Variants in PAK5 observed in about 807,000 individuals in gnomAD.
PAK5 encodes the protein serine/threonine-protein kinase PAK 5.
A neutral mutation model predicts 65.9 loss-of-function variants in PAK5; 16 were observed. That is an observed-to-expected ratio of 0.24 (90% CI 0.16 to 0.37). The LOEUF (loss-of-function observed/expected upper bound fraction) is 0.37. Among genes scored for constraint, PAK5 ranks in the 10% least tolerant of loss-of-function variants. PAK5 has a pLI of 1.00. For synonymous variants in PAK5, 371 were observed against 354.9 expected, an observed-to-expected ratio of 1.05 and a Z score of -0.51; for missense variants, 785 against 903.9, an observed-to-expected ratio of 0.87 and a Z score of 1.69.
At chr20:9,640,896 C>T (rs1037991926) in intron 3 of PAK5, among the ~76,000 whole-genome samples, 3 of 152,128 alleles carry the variant, frequency 2.0e-5, no homozygotes, top group Non-Finnish European at 2.9e-5. Context: ...AGTGTGGCCC[C>T]GAAGAGTGAG....
At chr20:9,730,255 C>T (rs889318860) in intron 1 of PAK5, among the ~76,000 whole-genome samples, 7 of 151,990 alleles carry the variant, frequency 4.6e-5, no homozygotes, top group East Asian at 3.9e-4. Context: ...GAGCTATTAA[C>T]ATTTTATATC....
chr20:9,570,278 C>T (rs1040030885), intron 4 of PAK5, among the ~76,000 whole-genome samples: 1 of 152,138 alleles, frequency 6.6e-6, no homozygotes, highest in Non-Finnish European at 1.5e-5. Context: ...TATTATCAAA[C>T]TAGCTAGCAT....
intron 1 of PAK5, among the ~76,000 whole-genome samples, chr20:9,718,656 T>A (rs937608278): frequency 1.3e-5 from 2 of 152,138 alleles, no homozygotes; most frequent in Non-Finnish European, 2.9e-5. Flanking sequence ...AGAAAAATAA[T>A]AAACTGAATT....
At chr20:9,664,854 A>C (rs2047392189) in intron 2 of PAK5, among the ~76,000 whole-genome samples, 1 of 152,106 alleles carries the variant, frequency 6.6e-6, no homozygotes, top group African/African-American at 2.4e-5. Flanking sequence ...ATAAATGTCT[A>C]ATTATTTTAC....
intron 1 of PAK5, among the ~76,000 whole-genome samples, chr20:9,712,091 A>G (rs1298754437): frequency 6.6e-6 from 1 of 152,170 alleles, no homozygotes; most frequent in African/African-American, 2.4e-5. Flanking sequence ...GGCACGTGAC[A>G]GCCTATTGTG....
At chr20:9,563,112 T>G in intron 5 of PAK5, 88 bp from the exon 6 acceptor site, 1 of 1,164,750 alleles carries the variant, frequency 8.6e-7, no homozygotes, top group Non-Finnish European at 1.3e-6. Context: ...GTAAGTAAAC[T>G]GATTGAGAGG....
chr20:9,685,987 G>T (rs183371010), intron 2 of PAK5, among the ~76,000 whole-genome samples: 2 of 152,150 alleles, frequency 1.3e-5, no homozygotes, highest in African/African-American at 4.8e-5. Context: ...AATATTAATT[G>T]GTCCTTCAGA....
intron 2 of PAK5, among the ~76,000 whole-genome samples, chr20:9,686,543 C>A (rs2047721941): frequency 6.6e-6 from 1 of 152,052 alleles, no homozygotes; most frequent in Non-Finnish European, 1.5e-5. Flanking sequence ...AGGTGTGCGC[C>A]CCTGCAGCCC....
At chr20:9,770,122 A>T (rs1038123089) in intron 1 of PAK5, among the ~76,000 whole-genome samples, 1 of 152,158 alleles carries the variant, frequency 6.6e-6, no homozygotes, top group African/African-American at 2.4e-5. Flanking sequence ...GAGAGGGGGA[A>T]GAGTTGCCAG....
intron 1 of PAK5, among the ~76,000 whole-genome samples, chr20:9,745,123 A>C (rs1256826822): frequency 1.3e-5 from 2 of 152,140 alleles, no homozygotes; most frequent in Admixed American, 6.6e-5. Flanking sequence ...AAAGCTAACT[A>C]TAAGTAATAT....
rs1186633506 is a variant in PAK5, at chr20:9,557,647, G to A, written c.1704C>T (p.Asp568=). ...TCAGGAGGATGGAGTCACTTTTTAT[G>A]TCCCTGTGAATCACTCCTTGGTTAT... ...YLHNQGVIHR[D]IKSDSILLTS... Residue 568 remains aspartate, a synonymous_variant, in exon 7 of 10, where the codon GAC becomes GAT. Coordinates refer to ENST00000353224, the MANE Select transcript of PAK5 (RefSeq NM_177990.4). 3.1e-6 allele frequency: 5 copies of A among 1,611,766 alleles called. No individual in the cohort carries two copies. The East Asian group carries it at 6.7e-5, about 22-fold the overall frequency.
intron 1 of PAK5, among the ~76,000 whole-genome samples, chr20:9,771,844 C>T (rs1379997226): frequency 1.3e-5 from 2 of 151,996 alleles, no homozygotes; most frequent in African/African-American, 2.4e-5. Flanking sequence ...TTGAGACCAG[C>T]CTGCCCAACA....
At chr20:9,605,575 C>T (rs1168233891) in intron 3 of PAK5, among the ~76,000 whole-genome samples, 7 of 152,166 alleles carry the variant, frequency 4.6e-5, no homozygotes, top group Non-Finnish European at 1.5e-5. Flanking sequence ...TATGTGTTAA[C>T]ACCTGGCACA....
chr20:9,665,226 T>C (rs6140991), intron 2 of PAK5, among the ~76,000 whole-genome samples: 28,740 of 151,634 alleles, frequency 0.19, 3,243 homozygotes, highest in East Asian at 0.4. Context: ...GGCCAACTTG[T>C]AAGGCTTGAA....
At chr20:9,772,891 G>T (rs577059458) in intron 1 of PAK5, among the ~76,000 whole-genome samples, 1 of 152,294 alleles carries the variant, frequency 6.6e-6, no homozygotes, top group East Asian at 1.9e-4. Flanking sequence ...CCAATGAAGG[G>T]CACATGTTGG....
chr20:9,581,345 A>G (rs1206454953), intron 3 of PAK5, among the ~76,000 whole-genome samples: 1 of 152,190 alleles, frequency 6.6e-6, no homozygotes, highest in Non-Finnish European at 1.5e-5. Flanking sequence ...AATAATATTT[A>G]TTACTGTTTT....
At chr20:9,541,378 C>T (rs1246059911) in intron 9 of PAK5, among the ~76,000 whole-genome samples, 2 of 152,104 alleles carry the variant, frequency 1.3e-5, no homozygotes, top group Admixed American at 1.3e-4. Context: ...TTTCTGAGCT[C>T]GTCCTAATTG....
intron 3 of PAK5, among the ~76,000 whole-genome samples, chr20:9,597,867 C>T (rs2094311921): frequency 6.6e-6 from 1 of 152,190 alleles, no homozygotes; most frequent in African/African-American, 2.4e-5. Flanking sequence ...GAAGCTGATG[C>T]GAGTGAGCCC....
At chr20:9,755,271 C>T (rs1485731250) in intron 1 of PAK5, among the ~76,000 whole-genome samples, 1 of 152,204 alleles carries the variant, frequency 6.6e-6, no homozygotes, top group Non-Finnish European at 1.5e-5. Context: ...AGTGCCATTG[C>T]TTCAAGTTAA....
Sources: allele counts gnomAD v4.1 joint callset (sites outside exome capture counted in the v4.1 genomes callset), GRCh38; gene constraint gnomAD v4.1.1; transcripts MANE v1.5; gene names NCBI Gene and HGNC (gene_info 2026-07-23, HGNC 2026-07-21).